ALMS1: variants seen among roughly 807,000 people sequenced by gnomAD.
The protein encoded by ALMS1 is centrosome-associated protein ALMS1.
ALMS1 carries 271 observed loss-of-function variants against 352.2 expected under a neutral mutation model. The observed-to-expected ratio is 0.77, with a 90% CI of 0.70 to 0.85. The LOEUF is 0.85. Among genes scored for constraint, ALMS1 ranks in the 40% least tolerant of loss-of-function variants. The pLI is 0.00. For missense variants in ALMS1, 5,445 were observed against 4,870.7 expected (o/e 1.12, Z -3.51); for synonymous variants, 1,865 against 1,761.2 (o/e 1.06, Z -1.48).
chr2:73,585,392 C>CTTTTT (rs760209126), intron 16 of ALMS1, among the ~76,000 whole-genome samples: 3 of 122,586 alleles, frequency 2.4e-5, no homozygotes, highest in Admixed American at 8.4e-5. Context: ...TGATGATGAG[C>CTTTTT]TTTTTTTTTT....
intron 13 of ALMS1, among the ~76,000 whole-genome samples, chr2:73,556,385 T>A: frequency 6.6e-6 from 1 of 152,054 alleles, no homozygotes. Context: ...GATAAAAAAA[T>A]CAAAAATGAT....
Position 73,584,112 on chromosome 2 carries a change from G to A in ALMS1, c.11547+10688G>A, listed in dbSNP as rs150388904. ...TATGCTTCAACCACTTTCTCAATCTGTCAGTGTCAGATATGAAACTATCTA... is the reference window on the plus strand; with the variant it reads ...TATGCTTCAACCACTTTCTCAATCTATCAGTGTCAGATATGAAACTATCTA... On this transcript the variant is annotated intron_variant, in intron 16 of 22. Coordinates refer to ENST00000613296, the MANE Select transcript of ALMS1 (RefSeq NM_001378454.1). Among the ~76,000 whole-genome samples, 561 of 152,186 alleles carry A rather than the reference G, an allele frequency of 3.7e-3. 3 individuals are homozygous for A. The highest frequency in any genetic ancestry group is 0.013 in the African/African-American group (533 of 41,526).
chr2:73,506,867 G>C (rs1305754824), intron 10 of ALMS1, among the ~76,000 whole-genome samples: 1 of 152,116 alleles, frequency 6.6e-6, no homozygotes, highest in Non-Finnish European at 1.5e-5. Flanking sequence ...GTTTTCAAAG[G>C]GAATGTTTCC....
At chr2:73,459,139 C>T (rs1033977751) in intron 9 of ALMS1, 1 of 151,990 alleles carries the variant, frequency 6.6e-6, no homozygotes, top group Admixed American at 6.6e-5. Flanking sequence ...AAGAGTACAA[C>T]CTAGTTACTT....
intron 13 of ALMS1, among the ~76,000 whole-genome samples, chr2:73,553,788 A>G (rs1357596280): frequency 6.6e-6 from 1 of 152,194 alleles, no homozygotes; most frequent in African/African-American, 2.4e-5. Context: ...GAAAGGATAT[A>G]TATGGGTAGG....
At chr2:73,525,723 C>T (rs796625670) in intron 11 of ALMS1, among the ~76,000 whole-genome samples, 2 of 151,690 alleles carry the variant, frequency 1.3e-5, no homozygotes, top group Admixed American at 6.6e-5. Flanking sequence ...TCCTCCTATT[C>T]GGTGGTTTGT....
intron 10 of ALMS1, among the ~76,000 whole-genome samples, chr2:73,517,623 T>G (rs1673587387): frequency 6.6e-6 from 1 of 152,114 alleles, no homozygotes; most frequent in African/African-American, 2.4e-5. Context: ...TTCTAGCTTC[T>G]CCTGTTGTTA....
At chr2:73,520,736 C>T (rs988618080) in intron 11 of ALMS1, among the ~76,000 whole-genome samples, 1 of 152,132 alleles carries the variant, frequency 6.6e-6, no homozygotes, top group Non-Finnish European at 1.5e-5. Context: ...CAGTCTCTAC[C>T]ATAAGGTGAA....
chr2:73,427,634 C>T (rs1318106529), intron 6 of ALMS1, among the ~76,000 whole-genome samples: 3 of 152,096 alleles, frequency 2.0e-5, no homozygotes, highest in South Asian at 2.1e-4. Flanking sequence ...CTATCCCTCC[C>T]CTAACCCCCT....
chr2:73,513,413 C>T (rs1013087778), intron 10 of ALMS1, among the ~76,000 whole-genome samples: 18 of 152,160 alleles, frequency 1.2e-4, no homozygotes, highest in African/African-American at 3.6e-4. Context: ...TGGTCTCCCT[C>T]TACTTGGATG....
chr2:73,593,173 A>C (rs1039374627), intron 16 of ALMS1, among the ~76,000 whole-genome samples: 2 of 151,306 alleles, frequency 1.3e-5, no homozygotes, highest in Admixed American at 1.3e-4. Flanking sequence ...TACTGACCGC[A>C]TATATAAATG....
rs1347210507 is a variant in ALMS1, at chr2:73,451,005, G to T, written c.4478G>T (p.Gly1493Val). 1 of 1,613,866 alleles carries T rather than the reference G, an allele frequency of 6.2e-7. No individual in the cohort carries two copies. Among genetic ancestry groups the T allele is most frequent in the Non-Finnish European group, 8.5e-7 (1 of 1,179,946 alleles). Residue 1493 changes from glycine to valine, a missense_variant, in exon 8 of 23, where the codon GGT (glycine) becomes GTT (valine). Physicochemically the swap from Gly to Val is moderately radical, Grantham distance 109 (BLOSUM62 -3). Coordinates refer to ENST00000613296, the MANE Select transcript of ALMS1 (RefSeq NM_001378454.1). ...IVIYKQAFPE[G>V]HLPEESLKVS... ...ATCTACAAACAGGCCTTTCCAGAGG[G>T]TCATCTACCTGAAGAGTCTCTGAAA... is the stretch of plus-strand genomic sequence containing the variant.
intron 2 of ALMS1, among the ~76,000 whole-genome samples, chr2:73,414,905 C>G (rs1671155162): frequency 6.6e-6 from 1 of 152,116 alleles, no homozygotes. Context: ...AGTGAACATG[C>G]ATAGTTAGCC....
intron 7 of ALMS1, among the ~76,000 whole-genome samples, chr2:73,442,726 AT>A (rs1671742651): frequency 6.6e-6 from 1 of 152,176 alleles, no homozygotes; most frequent in Non-Finnish European, 1.5e-5. Context: ...GCAAGAAAGG[AT>A]TTTAACTTCT....
Position 73,453,416 on chromosome 2 carries a change from T to C in ALMS1, c.6889T>C (p.Ser2297Pro). The change falls in exon 8 of 23, where the codon TCT (serine) becomes CCT (proline). Residue 2297 changes from serine (S) to proline (P), a missense_variant. Ser to Pro is a moderately conservative substitution (Grantham distance 74, BLOSUM62 -1). Coordinates refer to ENST00000613296, the MANE Select transcript of ALMS1 (RefSeq NM_001378454.1). ...RDISDISFIQ[S>P]KKVVCFKEPS... ...TATTAGTGATATTTCATTTATACAA[T>C]CTAAGAAGGTGGTTTGCTTCAAAGA... 1.2e-6 allele frequency: 2 copies of C among 1,613,620 alleles called. No homozygotes were observed. The highest frequency in any genetic ancestry group is 1.7e-6 in the Non-Finnish European group (2 of 1,179,740).
Position 73,385,896 on chromosome 2 carries a change from G to C in ALMS1, c.28G>C (p.Gly10Arg). The change falls in exon 1 of 23, where the codon GGC (glycine) becomes CGC (arginine). Residue 10 changes from glycine (G) to arginine (R), a missense_variant. Transcript: ENST00000613296. The stretch of plus-strand genomic sequence containing the variant: ...GGAGCCCGAGGATCTGCCATGGCCG[G>C]GCGAGCTGGAGGAGGAGGAGGAGGA... MEPEDLPWPGELEEEEEEEE... is the reference protein window; with the variant it reads MEPEDLPWPRELEEEEEEEE... 1 of 880,020 alleles carries C rather than the reference G, an allele frequency of 1.1e-6. No individual in the cohort carries two copies. Among genetic ancestry groups the C allele is most frequent in the Non-Finnish European group, 1.8e-6 (1 of 551,328 alleles). The allele number at this position is 880,020 out of a possible 1,614,324, so 54.5% of individuals were successfully genotyped here.
At chr2:73,467,901 T>A (rs1380366085) in intron 9 of ALMS1, among the ~76,000 whole-genome samples, 1 of 152,050 alleles carries the variant, frequency 6.6e-6, no homozygotes, top group African/African-American at 2.4e-5. Context: ...AGAAAAGTGA[T>A]AAGAATGGTT....
intron 9 of ALMS1, among the ~76,000 whole-genome samples, chr2:73,472,733 A>G (rs745747880): frequency 1.6e-4 from 24 of 152,162 alleles, no homozygotes; most frequent in Middle Eastern, 6.8e-3. Flanking sequence ...GCTTATACTC[A>G]TGGTGCAGGC....
chr2:73,573,797 T>C (rs1014253617), intron 16 of ALMS1, among the ~76,000 whole-genome samples: 1 of 151,820 alleles, frequency 6.6e-6, no homozygotes, highest in African/African-American at 2.4e-5. Context: ...TCAGGAAATA[T>C]ATTTGAGGTT....
Sources: allele counts gnomAD v4.1 joint callset (sites outside exome capture counted in the v4.1 genomes callset), GRCh38; gene constraint gnomAD v4.1.1; transcripts MANE v1.5; gene names NCBI Gene and HGNC (gene_info 2026-07-23, HGNC 2026-07-21).